The following ATP2A3 variants were observed in gnomAD, a reference collection of about 807,000 sequenced individuals.
The protein encoded by ATP2A3 is ATPase sarcoplasmic/endoplasmic reticulum Ca2+ transporting 3, also known as sarcoplasmic/endoplasmic reticulum calcium ATPase 3.
ATP2A3 carries 61 observed loss-of-function variants against 106.8 expected under a neutral mutation model. The ratio of observed to expected loss-of-function variants is 0.57; its 90% CI spans 0.46 to 0.71. The LOEUF is 0.71. Ranked by LOEUF, ATP2A3 falls within the 30% of genes least tolerant of loss-of-function variation. The probability of loss-of-function intolerance (pLI) is 0.00; values close to 1 mark genes in which losing one functional copy is unlikely to be tolerated. For missense variants in ATP2A3, 1,201 were observed against 1,423.5 expected (o/e 0.84, Z 2.52); for synonymous variants, 611 against 609.3 (o/e 1.00, Z -0.04).
In ATP2A3 at chr17:3,953,788, G is replaced by A. The variant is rs2054595263; in HGVS notation, c.119-78C>T. 3 of 1,485,462 alleles carry A rather than the reference G, an allele frequency of 2.0e-6. No individual in the cohort carries two copies. Among genetic ancestry groups the A allele is most frequent in the Non-Finnish European group, 2.8e-6 (3 of 1,087,326 alleles). The allele number at this position is 1,485,462 out of a possible 1,614,324, so 92.0% of individuals were successfully genotyped here. ...TCACGCAGGGGCCTCGGGGGAGTCT[G>A]GCAGTGCCTCCCCACCGTGCCCGCC... is the stretch of plus-strand genomic sequence containing the variant. On this transcript the variant is annotated intron_variant, in intron 1 of 20. Transcript: ENST00000397041. The surrounding 1 kb of genome is among the most constrained non-coding windows in gnomAD (Gnocchi z 5.1).
intron 14 of ATP2A3, among the ~76,000 whole-genome samples, chr17:3,938,245 G>A (rs2053557351): frequency 6.6e-6 from 1 of 152,126 alleles, no homozygotes; most frequent in African/African-American, 2.4e-5. Flanking sequence ...ACCAGCCTGG[G>A]CAACATGATG....
At chr17:3,950,993 C>T (rs893525683) in intron 5 of ATP2A3, among the ~76,000 whole-genome samples, 17 of 151,966 alleles carry the variant, frequency 1.1e-4, no homozygotes, top group African/African-American at 4.1e-4. Context: ...TCTGTATATA[C>T]GGCCGGAATG....
intron 14 of ATP2A3, among the ~76,000 whole-genome samples, chr17:3,938,850 A>G (rs1027017691): frequency 6.6e-6 from 1 of 152,130 alleles, no homozygotes; most frequent in African/African-American, 2.4e-5. Context: ...ACTGGAATTC[A>G]TATCAGGGTT....
chr17:3,926,206 C>A lies in ATP2A3; in HGVS notation c.2981-765G>T, dbSNP rs1445308999. Among the ~76,000 whole-genome samples the A allele has an allele frequency of 6.6e-6, 1 of 152,204 alleles. No individual in the cohort carries two copies. The highest frequency in any genetic ancestry group is 1.5e-5 in the Non-Finnish European group (1 of 68,034). Reference sequence around the variant, plus strand: ...TAAATCACGGGGAAGCCACAAGCATCAGGCTTCAGAAAAACTTCCCTAAAA... The same window carrying A: ...TAAATCACGGGGAAGCCACAAGCATAAGGCTTCAGAAAAACTTCCCTAAAA... On this transcript the variant is annotated intron_variant, in intron 20 of 20. Transcript: ENST00000397041. The surrounding 1 kb of genome is among the most constrained non-coding windows in gnomAD (Gnocchi z 4.6).
In ATP2A3 at chr17:3,964,078, T is replaced by C. The variant is rs1202008740; in HGVS notation, c.118+96A>G. 3 of 677,226 alleles carry C rather than the reference T, an allele frequency of 4.4e-6. No individual in the cohort carries two copies. In the East Asian group the frequency reaches 2.5e-4, roughly 57 times the overall value. 42.0% of individuals were successfully genotyped at this position (677,226 alleles called of 1,614,324 possible). A position where few individuals can be genotyped will look rare whatever the true frequency, so the allele number is the denominator to read the frequency against. On this transcript the variant is annotated intron_variant, in intron 1 of 20. Coordinates refer to ENST00000397041, the MANE Select transcript of ATP2A3 (RefSeq NM_005173.4). ...AGAGGTTTCCGGAGCCCTCGCTTCC[T>C]GCCCGCCCAGAGCCGGGTGGGGAGG...
At chr17:3,956,485 G>A (rs1424207914) in intron 1 of ATP2A3, among the ~76,000 whole-genome samples, 2 of 152,176 alleles carry the variant, frequency 1.3e-5, no homozygotes, top group South Asian at 2.1e-4. Flanking sequence ...GGCCAGGACC[G>A]CAGCCACTAG....
chr17:3,937,231 G>T, intron 15 of ATP2A3, 185 bp downstream of exon 15: 1 of 707,758 alleles, frequency 1.4e-6, no homozygotes, highest in Non-Finnish European at 2.4e-6. Context: ...GGTCACCAGG[G>T]CCTCTGGAGA....
rs112987870 is a variant in ATP2A3, at chr17:3,942,456, C to T, written c.1545+150G>A. On this transcript the variant is annotated intron_variant, in intron 12 of 20. Transcript: ENST00000397041. ...GCACCAAGGGTGGCACCAACCACCC[C>T]TACACCACCGGTTAGAGGCAAAAGG... 1.7e-3 allele frequency: 2,143 copies of T among 1,234,406 alleles called. 22 individuals are homozygous for T. In the African/African-American group the frequency reaches 0.028, roughly 16 times the overall value. The allele number at this position is 1,234,406 out of a possible 1,614,324, so 76.5% of individuals were successfully genotyped here. A position where few individuals can be genotyped will look rare whatever the true frequency, so the allele number is the denominator to read the frequency against.
At chr17:3,960,674 C>T (rs1018680312) in intron 1 of ATP2A3, among the ~76,000 whole-genome samples, 2 of 152,220 alleles carry the variant, frequency 1.3e-5, no homozygotes, top group Middle Eastern at 3.2e-3. Flanking sequence ...AGATGCCAAG[C>T]AAACCTACGA....
chr17:3,940,699 G>C (rs1165838367), intron 14 of ATP2A3, among the ~76,000 whole-genome samples: 1 of 152,014 alleles, frequency 6.6e-6, no homozygotes, highest in Non-Finnish European at 1.5e-5. Context: ...GTAGAGACGG[G>C]GTTTCCTCAT....
chr17:3,959,628 C>A (rs1050466969), intron 1 of ATP2A3, among the ~76,000 whole-genome samples: 5 of 152,242 alleles, frequency 3.3e-5, no homozygotes, highest in African/African-American at 4.8e-5. Context: ...GAGAGGCAAG[C>A]ACTCACCCAG....
rs1032280695 is a variant in ATP2A3, at chr17:3,925,095, C to G, written c.*327G>C. On this transcript the variant is annotated 3_prime_UTR_variant, in exon 21 of 21. Transcript: ENST00000397041. This position sits in a 1 kb window ranked among gnomAD's most constrained non-coding sequence, Gnocchi z 4.2. The stretch of plus-strand genomic sequence containing the variant: ...CACTCGTGATTTGGGGGTGGGGGGG[C>G]CCCGGATCTCTGGGTATGCTGCCAG... 9.4e-6 allele frequency: 5 copies of G among 529,988 alleles called. No homozygotes were observed. The highest frequency in any genetic ancestry group is 3.8e-5 in the African/African-American group (2 of 52,252). The allele number at this position is 529,988 out of a possible 1,614,324, so 32.8% of individuals were successfully genotyped here.
intron 3 of ATP2A3, 27 bp from the exon 4 acceptor site, chr17:3,951,712 G>T: frequency 6.3e-7 from 1 of 1,590,940 alleles, no homozygotes; most frequent in East Asian, 2.3e-5. Context: ...GGTGAGCTCA[G>T]GCCCTGCTGC....
rs2052812256 is a variant in ATP2A3, at chr17:3,928,034, T to C, written c.2980+629A>G. ...TGACAGCGAGACGATGCTGTGTCCCTGGCCCTTGGAAGTTCAGAATCACCC... is the reference window on the plus strand; with the variant it reads ...TGACAGCGAGACGATGCTGTGTCCCCGGCCCTTGGAAGTTCAGAATCACCC... On this transcript the variant is annotated intron_variant, in intron 20 of 20. Transcript: ENST00000397041. This position sits in a 1 kb window ranked among gnomAD's most constrained non-coding sequence, Gnocchi z 6.1. 1 of 1,614,084 alleles carries C rather than the reference T, an allele frequency of 6.2e-7. No individual in the cohort carries two copies. Among genetic ancestry groups the C allele is most frequent in the Non-Finnish European group, 8.5e-7 (1 of 1,180,014 alleles).
intron 1 of ATP2A3, among the ~76,000 whole-genome samples, chr17:3,963,736 C>A (rs75896404): frequency 0.12 from 18,155 of 152,210 alleles, 1,235 homozygotes; most frequent in East Asian, 0.24. Flanking sequence ...CTGGAGCCCT[C>A]AGGGGAGACC....
chr17:3,931,910 ACTGT>A (rs1384814983), intron 17 of ATP2A3, among the ~76,000 whole-genome samples: 1 of 152,194 alleles, frequency 6.6e-6, no homozygotes, highest in Non-Finnish European at 1.5e-5. Flanking sequence ...TGTCTGATCT[ACTGT>A]CTGTCGCATA....
chr17:3,958,719 CACATATATAT>C (rs1343130083), intron 1 of ATP2A3, among the ~76,000 whole-genome samples: 2 of 99,182 alleles, frequency 2.0e-5, no homozygotes, highest in African/African-American at 4.4e-5. Context: ...TATATATATA[CACATATATAT>C]ACACATATAT....
Position 3,941,083 on chromosome 17 carries a change from G to C in ATP2A3, c.1988C>G (p.Pro663Arg), listed in dbSNP as rs994673117. ...YTGREFDDLS[P>R]EQQRQACRTA... ...GCGGCAGGCCTGGCGCTGCTGCTCG[G>C]GGCTGAGGTCATCAAACTCGCGGCC... is the stretch of plus-strand genomic sequence containing the variant. The change falls in exon 14 of 21, where the codon CCC becomes CGC. Residue 663 changes from proline (P) to arginine (R), a missense_variant. Coordinates refer to ENST00000397041, the MANE Select transcript of ATP2A3 (RefSeq NM_005173.4). 1 of 1,613,860 alleles carries C rather than the reference G, an allele frequency of 6.2e-7. No individual in the cohort carries two copies. Among genetic ancestry groups the C allele is most frequent in the East Asian group, 2.2e-5 (1 of 44,868 alleles).
chr17:3,951,545 C>G, intron 4 of ATP2A3, 36 bp downstream of exon 4: 9 of 1,351,086 alleles, frequency 6.7e-6, no homozygotes, highest in Non-Finnish European at 9.2e-6. Flanking sequence ...GCTGGGAGAC[C>G]GCCCCCCGCC....
Sources: gnomAD v4.1 joint callset for allele counts (sites outside exome capture counted in the v4.1 genomes callset) on GRCh38, gnomAD v4.1.1 for gene constraint, Gnocchi (gnomAD v3.1) non-coding constraint, MANE v1.5 for transcripts, NCBI Gene and HGNC (gene_info 2026-07-23, HGNC 2026-07-21) for gene names.